TMEM114: variants seen among roughly 807,000 people sequenced by gnomAD.
TMEM114 encodes the protein claudin-26.
In TMEM114, 6 loss-of-function variants were observed where a neutral mutation model predicts 6.2. That is an observed-to-expected ratio of 0.97 (90% CI 0.53 to 1.91). The LOEUF (loss-of-function observed/expected upper bound fraction) is 1.91, where lower values mean the gene tolerates loss of function less well. Ranked by LOEUF, TMEM114 falls within the 40% of genes most tolerant of loss-of-function variation. The pLI, the probability that TMEM114 is intolerant of heterozygous loss-of-function variation, is 0.01. For synonymous variants in TMEM114, 104 were observed against 73.0 expected (o/e 1.42, Z -2.16); for missense variants, 218 against 158.3 (o/e 1.38, Z -2.02).
At chr16:8,545,266 C>G (rs1193267234) in intron 2 of TMEM114, among the ~76,000 whole-genome samples, 2 of 151,938 alleles carry the variant, frequency 1.3e-5, no homozygotes, top group African/African-American at 2.4e-5. Context: ...AGCAAGAGCC[C>G]TTATCTACAA....
chr16:8,570,059 C>T (rs1901680026), intron 3 of TMEM114, 54 bp from the exon 4 acceptor site: 3 of 1,509,056 alleles, frequency 2.0e-6, no homozygotes, highest in African/African-American at 1.4e-5. Context: ...CCCCAGCACT[C>T]CCCTCCTCCT....
chr16:8,555,492 A>T (rs1900981713), intron 2 of TMEM114, among the ~76,000 whole-genome samples: 1 of 152,124 alleles, frequency 6.6e-6, no homozygotes, highest in African/African-American at 2.4e-5. Context: ...AGGTGTTGCC[A>T]TGGCAAGGCA....
At chr16:8,576,536 G>A (rs1167715587) in intron 2 of TMEM114, among the ~76,000 whole-genome samples, 3 of 152,202 alleles carry the variant, frequency 2.0e-5, no homozygotes, top group Non-Finnish European at 4.4e-5. Context: ...AGGATATGAT[G>A]GAGCAGGACA....
intron 2 of TMEM114, among the ~76,000 whole-genome samples, chr16:8,547,087 C>A (rs1280126798): frequency 2.0e-5 from 3 of 152,192 alleles, no homozygotes; most frequent in African/African-American, 7.2e-5. Flanking sequence ...TGTCCTCAGG[C>A]TCTTTTCCAG....
intron 2 of TMEM114, among the ~76,000 whole-genome samples, chr16:8,583,779 A>G (rs1334263267): frequency 6.6e-6 from 1 of 151,560 alleles, no homozygotes; most frequent in Non-Finnish European, 1.5e-5. Flanking sequence ...GCTAGCAAGA[A>G]GGCCAGGGTT....
intron 2 of TMEM114, among the ~76,000 whole-genome samples, chr16:8,561,808 G>C (rs1489851728): frequency 7.5e-6 from 1 of 133,294 alleles, no homozygotes; most frequent in Non-Finnish European, 1.6e-5. Flanking sequence ...GAATGAGTGA[G>C]TGAAGGAGGG....
chr16:8,539,147 A>C (rs1036313860), intron 2 of TMEM114, among the ~76,000 whole-genome samples: 1 of 152,110 alleles, frequency 6.6e-6, no homozygotes, highest in Non-Finnish European at 1.5e-5. Context: ...ATTGCCATGG[A>C]ACATGTGACC....
At chr16:8,561,125 G>A (rs1029176946) in intron 2 of TMEM114, among the ~76,000 whole-genome samples, 3 of 152,154 alleles carry the variant, frequency 2.0e-5, no homozygotes, top group African/African-American at 7.2e-5. Flanking sequence ...GGAATTCTGG[G>A]AACTGCAACT....
At chr16:8,561,829 T>G (rs147003798) in intron 2 of TMEM114, among the ~76,000 whole-genome samples, 5,672 of 126,648 alleles carry the variant, frequency 0.045, 111 homozygotes, top group South Asian at 0.11. Context: ...AGTGAATGAG[T>G]GAGTGAATGA....
chr16:8,540,371 T>C (rs1900481047), intron 2 of TMEM114, among the ~76,000 whole-genome samples: 1 of 152,166 alleles, frequency 6.6e-6, no homozygotes, highest in Non-Finnish European at 1.5e-5. Context: ...TGGGTATCAT[T>C]ATATCAACCT....
chr16:8,583,375 A>G (rs1902217532), intron 2 of TMEM114, among the ~76,000 whole-genome samples: 1 of 152,194 alleles, frequency 6.6e-6, no homozygotes, highest in African/African-American at 2.4e-5. Flanking sequence ...CACAGAGTCC[A>G]GGGCTGGCTG....
Position 8,571,335 on chromosome 16 carries a change from G to A in TMEM114, c.439+752C>T, listed in dbSNP as rs1311082495. The stretch of plus-strand genomic sequence containing the variant: ...ACAAGTAAAAATTGTATGTATTTAC[G>A]GTACACAGCATGAGGATTTGATATG... On this transcript the variant is annotated intron_variant, in intron 3 of 3. Coordinates refer to ENST00000620492, the MANE Select transcript of TMEM114 (RefSeq NM_001146336.2). 3.3e-5 allele frequency among the ~76,000 whole-genome samples: 5 copies of A among 151,952 alleles called. No homozygotes were observed. The South Asian group carries it at 8.3e-4, about 25-fold the overall frequency.
intron 2 of TMEM114, among the ~76,000 whole-genome samples, chr16:8,572,619 A>G (rs1040581541): frequency 7.9e-5 from 12 of 152,114 alleles, no homozygotes; most frequent in Non-Finnish European, 1.6e-4. Context: ...TATTTTTGGT[A>G]AAGATGAAGT....
chr16:8,542,494 A>T (rs1219830006), intron 2 of TMEM114, among the ~76,000 whole-genome samples: 2 of 152,166 alleles, frequency 1.3e-5, no homozygotes, highest in Non-Finnish European at 2.9e-5. Flanking sequence ...TTTGCAAAGG[A>T]TTGGGCCTGA....
intron 2 of TMEM114, among the ~76,000 whole-genome samples, chr16:8,542,617 G>C (rs1304830134): frequency 2.0e-5 from 3 of 152,134 alleles, no homozygotes; most frequent in Admixed American, 2.0e-4. Flanking sequence ...GATTCTGTGG[G>C]TTTGGGGTGG....
At chr16:8,535,539 T>G (rs1596462806), downstream of TMEM114, among the ~76,000 whole-genome samples, 1 of 152,170 alleles carries the variant, frequency 6.6e-6, no homozygotes, top group Non-Finnish European at 1.5e-5. Flanking sequence ...TTTTAATACA[T>G]TTGCCAAGTA....
chr16:8,581,357 A>C (rs1367363855), intron 2 of TMEM114, among the ~76,000 whole-genome samples: 1 of 152,188 alleles, frequency 6.6e-6, no homozygotes. Flanking sequence ...CCATCTCTCC[A>C]TCTGTGGGCA....
intron 2 of TMEM114, among the ~76,000 whole-genome samples, chr16:8,578,171 G>A (rs1382907711): frequency 6.6e-6 from 1 of 152,182 alleles, no homozygotes; most frequent in Non-Finnish European, 1.5e-5. Flanking sequence ...TCAGGTGGTG[G>A]TATGTATTTC....
chr16:8,575,210 G>T (rs1016076265), intron 2 of TMEM114, among the ~76,000 whole-genome samples: 1 of 152,134 alleles, frequency 6.6e-6, no homozygotes, highest in African/African-American at 2.4e-5. Context: ...ACAAATGACT[G>T]GACCACTCTG....
Sources: allele counts gnomAD v4.1 joint callset (sites outside exome capture counted in the v4.1 genomes callset), GRCh38; gene constraint gnomAD v4.1.1; transcripts MANE v1.5; gene names NCBI Gene and HGNC (gene_info 2026-07-23, HGNC 2026-07-21).